The following ADAMTS12 variants were observed in gnomAD, a reference collection of about 807,000 sequenced individuals.
The protein encoded by ADAMTS12 is A disintegrin and metalloproteinase with thrombospondin motifs 12.
Under a neutral mutation model 167.8 loss-of-function variants are expected in ADAMTS12, and 118 were observed. That is an observed-to-expected ratio of 0.70 (90% CI 0.61 to 0.82). The LOEUF (loss-of-function observed/expected upper bound fraction) is 0.82, where lower values mean the gene tolerates loss of function less well. ADAMTS12 is among the 40% of genes least tolerant of loss of function. The pLI is 0.00. For synonymous variants in ADAMTS12, 704 were observed against 716.9 expected (o/e 0.98, Z 0.29); for missense variants, 1,916 against 1,998.8 (o/e 0.96, Z 0.79).
At chr5:33,835,029 T>C (rs1748455543) in intron 2 of ADAMTS12, among the ~76,000 whole-genome samples, 1 of 152,180 alleles carries the variant, frequency 6.6e-6, no homozygotes, top group African/African-American at 2.4e-5. Flanking sequence ...AATAGTACTT[T>C]CCATAACCCA....
At chr5:33,552,925 C>T (rs1343775929) in intron 20 of ADAMTS12, among the ~76,000 whole-genome samples, 1 of 152,172 alleles carries the variant, frequency 6.6e-6, no homozygotes, top group Non-Finnish European at 1.5e-5. Flanking sequence ...AGACAATCTA[C>T]AGAATGGGAG....
rs146739402 is a variant in ADAMTS12, at chr5:33,615,596, A to G, written c.2388+232T>C. Among the ~76,000 whole-genome samples, 190 of 152,236 alleles carry G rather than the reference A, an allele frequency of 1.2e-3. 1 individual carries two copies. The highest frequency in any genetic ancestry group is 4.3e-3 in the African/African-American group (180 of 41,548). On this transcript the variant is annotated intron_variant, in intron 15 of 23. Transcript: ENST00000504830. The stretch of plus-strand genomic sequence containing the variant: ...TAAATCAGCCCAGAAGCTGAACTCA[A>G]ACCTCCCAGTGGGTGGTTTTAAAGC...
At chr5:33,533,227 C>T (rs1744203972) in intron 23 of ADAMTS12, among the ~76,000 whole-genome samples, 1 of 152,096 alleles carries the variant, frequency 6.6e-6, no homozygotes, top group South Asian at 2.1e-4. Context: ...AATAACAAGC[C>T]CTAACACTAG....
At chr5:33,530,703 C>T (rs914616427) in intron 23 of ADAMTS12, among the ~76,000 whole-genome samples, 24 of 152,212 alleles carry the variant, frequency 1.6e-4, no homozygotes, top group African/African-American at 5.1e-4. Flanking sequence ...GTCTCCATCT[C>T]CAAACAGGCA....
chr5:33,628,598 G>A (rs549340735), intron 13 of ADAMTS12, among the ~76,000 whole-genome samples: 77 of 152,158 alleles, frequency 5.1e-4, no homozygotes, highest in Non-Finnish European at 9.9e-4. Flanking sequence ...TATTCACAAC[G>A]AATGCAGATT....
At chr5:33,577,325 AT>A (rs1746810822) in intron 18 of ADAMTS12, among the ~76,000 whole-genome samples, 165 bp from the exon 19 acceptor site, 1 of 152,238 alleles carries the variant, frequency 6.6e-6, no homozygotes, top group Non-Finnish European at 1.5e-5. Flanking sequence ...CCATGGAAAT[AT>A]GTATCTCCTG....
At chr5:33,700,927 G>C (rs530695077) in intron 3 of ADAMTS12, among the ~76,000 whole-genome samples, 2 of 152,088 alleles carry the variant, frequency 1.3e-5, no homozygotes, top group East Asian at 3.8e-4. Flanking sequence ...AAACCTACAC[G>C]TAAATCTCCA....
At chr5:33,715,972 T>C (rs1743598445) in intron 3 of ADAMTS12, among the ~76,000 whole-genome samples, 1 of 152,178 alleles carries the variant, frequency 6.6e-6, no homozygotes, top group Admixed American at 6.5e-5. Flanking sequence ...TTTACAGCTC[T>C]GTAAAGATAG....
At chr5:33,654,951 T>G (rs1050253902) in intron 7 of ADAMTS12, among the ~76,000 whole-genome samples, 1 of 151,098 alleles carries the variant, frequency 6.6e-6, no homozygotes, top group South Asian at 2.1e-4. Context: ...AAGTCTGGCA[T>G]ATATGAGAGA....
intron 2 of ADAMTS12, among the ~76,000 whole-genome samples, chr5:33,767,732 T>A (rs1745591518): frequency 6.6e-6 from 1 of 151,598 alleles, no homozygotes; most frequent in Non-Finnish European, 1.5e-5. Context: ...GGTCCCCAGG[T>A]AAAGCGGCTA....
At chr5:33,685,358 T>C (rs1742284904) in intron 3 of ADAMTS12, among the ~76,000 whole-genome samples, 1 of 152,356 alleles carries the variant, frequency 6.6e-6, no homozygotes, top group South Asian at 2.1e-4. Flanking sequence ...TCGTTAGCTC[T>C]GGTCCTGTTC....
intron 3 of ADAMTS12, among the ~76,000 whole-genome samples, chr5:33,730,937 G>A (rs901771264): frequency 1.3e-5 from 2 of 152,132 alleles, no homozygotes; most frequent in Non-Finnish European, 2.9e-5. Context: ...TAGCTCAGGA[G>A]TCAGACAGAC....
chr5:33,881,171 A>G lies in ADAMTS12; in HGVS notation c.437T>C (p.Leu146Pro). Residue 146 changes from leucine to proline, a missense_variant, in exon 2 of 24, where the codon CTA (leucine) becomes CCA (proline). Physicochemically the swap from Leu to Pro is moderately conservative, Grantham distance 98. Transcript: ENST00000504830. ...APLCHLSGTV[L>P]QQGTRVGTAA... Reference sequence around the variant, plus strand: ...CGTCCCAACTCTGGTGCCCTGCTGTAGAACCGTGCCACTGAGATGGCAGAG... The same window carrying G: ...CGTCCCAACTCTGGTGCCCTGCTGTGGAACCGTGCCACTGAGATGGCAGAG... 1 of 1,614,168 alleles carries G rather than the reference A, an allele frequency of 6.2e-7. No individual in the cohort carries two copies. Among genetic ancestry groups the G allele is most frequent in the African/African-American group, 1.3e-5 (1 of 75,050 alleles).
At chr5:33,772,287 G>A (rs1229534516) in intron 2 of ADAMTS12, among the ~76,000 whole-genome samples, 3 of 152,110 alleles carry the variant, frequency 2.0e-5, no homozygotes, top group Admixed American at 6.5e-5. Flanking sequence ...ACTGTCATCT[G>A]CCTCACCTAT....
chr5:33,599,672 T>C (rs1738089217), intron 16 of ADAMTS12, among the ~76,000 whole-genome samples: 1 of 152,210 alleles, frequency 6.6e-6, no homozygotes, highest in Non-Finnish European at 1.5e-5. Flanking sequence ...GGCAAGGTCG[T>C]CAGCTTGACT....
intron 5 of ADAMTS12, among the ~76,000 whole-genome samples, chr5:33,676,707 C>CACACAGAGAGAGAGAG (rs879440613): frequency 1.3e-5 from 2 of 149,020 alleles, no homozygotes; most frequent in African/African-American, 5.0e-5. Flanking sequence ...CACACACACA[C>CACACAGAGAGAGAGAG]AGAGAGAGAG....
At chr5:33,877,346 C>A (rs7709003) in intron 2 of ADAMTS12, among the ~76,000 whole-genome samples, 74,275 of 152,054 alleles carry the variant, frequency 0.49, 20,498 homozygotes, top group African/African-American at 0.74. Flanking sequence ...ATCCTGTCTT[C>A]TGCACGAGGG....
At chr5:33,799,947 T>G (rs1239537833) in intron 2 of ADAMTS12, among the ~76,000 whole-genome samples, 5 of 152,120 alleles carry the variant, frequency 3.3e-5, no homozygotes. Context: ...GCCAGAGTAT[T>G]TTCTGGGTTA....
chr5:33,641,491 T>G (rs1237875126), intron 11 of ADAMTS12, among the ~76,000 whole-genome samples: 2 of 152,212 alleles, frequency 1.3e-5, no homozygotes, highest in African/African-American at 4.8e-5. Context: ...TTAAAAAGAT[T>G]TAATTGTATA....
Sources: gnomAD v4.1 joint callset for allele counts (sites outside exome capture counted in the v4.1 genomes callset) on GRCh38, gnomAD v4.1.1 for gene constraint, MANE v1.5 for transcripts, NCBI Gene and HGNC (gene_info 2026-07-23, HGNC 2026-07-21) for gene names.